ATP10A: variants seen among roughly 807,000 people sequenced by gnomAD.
ATP10A encodes the protein phospholipid-transporting ATPase VA.
In ATP10A, 111 loss-of-function variants were observed where a neutral mutation model predicts 147.8. The ratio of observed to expected loss-of-function variants is 0.75; its 90% CI spans 0.64 to 0.88. The LOEUF (loss-of-function observed/expected upper bound fraction) is 0.88. Ranked by LOEUF, ATP10A falls within the 40% of genes least tolerant of loss-of-function variation. The pLI is 0.00. For synonymous variants in ATP10A, 875 were observed against 841.6 expected (o/e 1.04, Z -0.69); for missense variants, 1,927 against 1,959.0 (o/e 0.98, Z 0.31).
chr15:25,810,419 T>A (rs1470147940), intron 1 of ATP10A, among the ~76,000 whole-genome samples: 1 of 152,184 alleles, frequency 6.6e-6, no homozygotes, highest in African/African-American at 2.4e-5. Flanking sequence ...CCCGAGGTTC[T>A]TATGGTTCCT....
chr15:25,687,395 T>C (rs765495242), intron 16 of ATP10A, among the ~76,000 whole-genome samples: 1 of 152,000 alleles, frequency 6.6e-6, no homozygotes, highest in Non-Finnish European at 1.5e-5. Context: ...TGTGCCCCTG[T>C]GCAAACTGCT....
upstream of ATP10A, among the ~76,000 whole-genome samples, chr15:25,863,952 C>A (rs1169155478): frequency 6.6e-6 from 1 of 152,028 alleles, no homozygotes; most frequent in African/African-American, 2.4e-5. Context: ...TTTTTCTGTT[C>A]TTTCTTCATG....
At chr15:25,841,457 T>C (rs1170641824) in intron 1 of ATP10A, 2 of 152,182 alleles carry the variant, frequency 1.3e-5, no homozygotes, top group Non-Finnish European at 2.9e-5. Context: ...TACCACACTT[T>C]GCAGCTCCAC....
intron 19 of ATP10A, 106 bp from the exon 20 acceptor site, chr15:25,680,414 G>A: frequency 8.0e-7 from 1 of 1,243,366 alleles, no homozygotes; most frequent in African/African-American, 1.5e-5. Flanking sequence ...GAGGTTCTGA[G>A]GCCTTCAGAC....
Position 25,702,117 on chromosome 15 carries a change from C to T in ATP10A, c.2576-17G>A. 1.2e-6 allele frequency: 2 copies of T among 1,601,926 alleles called. No homozygotes were observed. Among genetic ancestry groups the T allele is most frequent in the Non-Finnish European group, 1.7e-6 (2 of 1,174,106 alleles). The stretch of plus-strand genomic sequence containing the variant: ...CAGTGGCACCTGGTCAAATGCACAG[C>T]AGTGTGAGCGAACCCGCTTCTCACG... On this transcript the variant is annotated splice_polypyrimidine_tract_variant and intron_variant, in intron 12 of 20. Coordinates refer to ENST00000555815, the MANE Select transcript of ATP10A (RefSeq NM_024490.4).
At chr15:25,822,712 G>A (rs1315177270) in intron 1 of ATP10A, among the ~76,000 whole-genome samples, 1 of 152,136 alleles carries the variant, frequency 6.6e-6, no homozygotes, top group Non-Finnish European at 1.5e-5. Flanking sequence ...CTGCTGCTTA[G>A]AAAATAATTA....
At chr15:25,761,912 T>C (rs367591357) in intron 2 of ATP10A, among the ~76,000 whole-genome samples, 86 of 152,278 alleles carry the variant, frequency 5.6e-4, no homozygotes, top group African/African-American at 2.0e-3. Context: ...GGCATGGCTG[T>C]GTTTTGAAAT....
At chr15:25,675,763 C>T (rs182656942), downstream of ATP10A, among the ~76,000 whole-genome samples, 127 of 152,284 alleles carry the variant, frequency 8.3e-4, no homozygotes, top group African/African-American at 2.9e-3. Flanking sequence ...CTGGCCAACA[C>T]GGCGAAAGCC....
rs1249986322 is a variant in ATP10A at position 25,819,318 on chromosome 15, A to G, written c.450-38095T>C. ...CATATAAATGGCCAACAAGCAAGTG[A>G]AAAATGCTCAACGTCACTAATCATC... On this transcript the variant is annotated intron_variant, in intron 1 of 20. Transcript: ENST00000555815. 1.6e-3 allele frequency among the ~76,000 whole-genome samples: 245 copies of G among 152,342 alleles called. 2 individuals carry two copies. The highest frequency in any genetic ancestry group is 1.0e-4 in the Non-Finnish European group (7 of 68,034).
chr15:25,744,724 C>G (rs946135589), intron 2 of ATP10A, among the ~76,000 whole-genome samples: 2 of 152,024 alleles, frequency 1.3e-5, no homozygotes, highest in African/African-American at 4.8e-5. Context: ...TAGCAAACTA[C>G]AAGAAACATG....
intron 15 of ATP10A, among the ~76,000 whole-genome samples, chr15:25,688,846 A>G (rs1214687529): frequency 1.3e-5 from 2 of 152,236 alleles, no homozygotes; most frequent in African/African-American, 4.8e-5. Flanking sequence ...CTTGCTGTCA[A>G]CACATAGGGG....
In ATP10A at chr15:25,679,930, A is replaced by C. The variant is rs1197149574; in HGVS notation, c.3911T>G (p.Leu1304Arg). 6.2e-7 allele frequency: 1 copy of C among 1,607,202 alleles called. No individual in the cohort carries two copies. The highest frequency in any genetic ancestry group is 2.2e-5 in the East Asian group (1 of 44,682). Residue 1304 changes from leucine to arginine, a missense_variant, in exon 21 of 21, where the codon CTT becomes CGT. By Grantham distance (102) the Leu-to-Arg change is moderately radical (BLOSUM62 -2). Coordinates refer to ENST00000555815, the MANE Select transcript of ATP10A (RefSeq NM_024490.4). ...CCTGGTCAACTGACGTGCCAGCTGA[A>C]GTTGTGTGGGGAAAACCCTCCCCTG... The part of the protein sequence containing the change: ...SLQGRVFPTQ[L>R]QLARQLTRKS...
At chr15:25,723,480 T>C (rs942528850) in intron 6 of ATP10A, among the ~76,000 whole-genome samples, 23 of 152,124 alleles carry the variant, frequency 1.5e-4, no homozygotes, top group African/African-American at 5.5e-4. Context: ...GGAAACTCTC[T>C]GTAAAATTTA....
In ATP10A at chr15:25,701,991, T is replaced by A. The variant is rs1430137728; in HGVS notation, c.2685A>T (p.Thr895=). 4 of 1,614,086 alleles carry A rather than the reference T, an allele frequency of 2.5e-6. No individual in the cohort carries two copies. The highest frequency in any genetic ancestry group is 3.4e-6 in the Non-Finnish European group (4 of 1,180,040). Residue 895 remains threonine (T), a synonymous_variant, in exon 13 of 21, where the codon ACA becomes ACT. Coordinates refer to ENST00000555815, the MANE Select transcript of ATP10A (RefSeq NM_024490.4). ...TGCAGGCATATGCAATGTTGACAGC[T>A]GTTTCTTGTTTGTCACCAGTGAGAA... ...IWVLTGDKQE[T]AVNIAYACKL... is the part of the protein sequence containing the mutation.
At chr15:25,811,310 A>G (rs1596935809) in intron 1 of ATP10A, among the ~76,000 whole-genome samples, 1 of 152,180 alleles carries the variant, frequency 6.6e-6, no homozygotes, top group East Asian at 1.9e-4. Context: ...AGGAGGACAG[A>G]GGCAAACTTT....
At chr15:25,862,482 G>A (rs940120225) in intron 1 of ATP10A, 166 bp downstream of exon 1, 26 of 854,034 alleles carry the variant, frequency 3.0e-5, no homozygotes, top group Non-Finnish European at 4.1e-5. Context: ...CCTTGGCGGC[G>A]CTGTGGCTTC....
At chr15:25,779,388 G>A (rs1215239812) in intron 2 of ATP10A, among the ~76,000 whole-genome samples, 3 of 152,200 alleles carry the variant, frequency 2.0e-5, no homozygotes, top group Non-Finnish European at 2.9e-5. Context: ...GGTGACATTC[G>A]AGCTATCAGC....
At position 25,754,511 on chromosome 15, in the gene ATP10A, G is replaced by A. The variant is rs373947005; in HGVS notation, c.655-18370C>T. 3.0e-4 allele frequency among the ~76,000 whole-genome samples: 45 copies of A among 152,324 alleles called. 1 individual carries two copies. Among genetic ancestry groups the A allele is most frequent in the Non-Finnish European group, 5.9e-4 (40 of 68,030 alleles). ...TGAACTCCAGCTTTTGGAATTCACA[G>A]ATTTGGATTTGTGTTCTTTTTTCTT... On this transcript the variant is annotated intron_variant, in intron 2 of 20. Transcript: ENST00000555815.
intron 1 of ATP10A, among the ~76,000 whole-genome samples, chr15:25,815,900 G>A (rs575060800): frequency 6.6e-6 from 1 of 152,014 alleles, no homozygotes; most frequent in South Asian, 2.1e-4. Context: ...TCTTGCAAAT[G>A]TAAGGAAATT....
Sources: gnomAD v4.1 joint callset for allele counts (sites outside exome capture counted in the v4.1 genomes callset) on GRCh38, gnomAD v4.1.1 for gene constraint, MANE v1.5 for transcripts, NCBI Gene and HGNC (gene_info 2026-07-23, HGNC 2026-07-21) for gene names.